EPB41L4B: variants seen among roughly 807,000 people sequenced by gnomAD.
EPB41L4B encodes the protein band 4.1-like protein 4B.
A neutral mutation model predicts 112.5 loss-of-function variants in EPB41L4B; 30 were observed. The ratio of observed to expected loss-of-function variants is 0.27; its 90% CI spans 0.20 to 0.36. The LOEUF (loss-of-function observed/expected upper bound fraction) is 0.36, where lower values mean the gene tolerates loss of function less well. Ranked by LOEUF, EPB41L4B falls within the 10% of genes least tolerant of loss-of-function variation. EPB41L4B has a pLI of 1.00. For synonymous variants in EPB41L4B, 408 were observed against 439.7 expected (o/e 0.93, Z 0.90); for missense variants, 1,024 against 1,133.3 (o/e 0.90, Z 1.38).
intron 20 of EPB41L4B, among the ~76,000 whole-genome samples, chr9:109,198,599 G>A (rs1398430428): frequency 1.3e-5 from 2 of 152,130 alleles, no homozygotes; most frequent in African/African-American, 4.8e-5. Context: ...CCATGCCATA[G>A]CTAAGGTCAA....
intron 23 of EPB41L4B, 47 bp downstream of exon 23, chr9:109,185,442 C>T (rs779078529): frequency 1.3e-6 from 2 of 1,559,814 alleles, no homozygotes; most frequent in Admixed American, 1.7e-5. Context: ...GGCTCCTGCC[C>T]ACCTCACCTC....
At chr9:109,179,469 T>C (rs1206028617) in intron 24 of EPB41L4B, among the ~76,000 whole-genome samples, 1 of 152,178 alleles carries the variant, frequency 6.6e-6, no homozygotes, top group Non-Finnish European at 1.5e-5. Flanking sequence ...TGAGCTTGGC[T>C]TCTGTTACCA....
intron 1 of EPB41L4B, among the ~76,000 whole-genome samples, chr9:109,302,260 A>C (rs140364981): frequency 2.1e-4 from 32 of 152,154 alleles, no homozygotes; most frequent in Middle Eastern, 6.8e-3. Context: ...GTCCTCAATA[A>C]ATGCCTGTCT....
intron 24 of EPB41L4B, among the ~76,000 whole-genome samples, chr9:109,178,387 T>TC (rs1831923825): frequency 6.8e-6 from 1 of 148,082 alleles, no homozygotes; most frequent in African/African-American, 2.5e-5. Flanking sequence ...AGTATCTTCT[T>TC]TTTTTTTTTT....
Position 109,320,566 on chromosome 9 carries a change from C to T in EPB41L4B, c.-120G>A. Reference sequence around the variant, plus strand: ...TCAGTGCCCTCGGCCGCCCGCGCCGCCTCTCGCGGGCTACGGCCCGGGGCA... The same window carrying T: ...TCAGTGCCCTCGGCCGCCCGCGCCGTCTCTCGCGGGCTACGGCCCGGGGCA... On this transcript the variant is annotated 5_prime_UTR_variant, in exon 1 of 26. Transcript: ENST00000374566. 4.3e-6 allele frequency: 2 copies of T among 469,158 alleles called. No homozygotes were observed. Among genetic ancestry groups the T allele is most frequent in the South Asian group, 1.7e-4 (2 of 11,582 alleles). The allele number at this position is 469,158 out of a possible 1,614,324, so 29.1% of individuals were successfully genotyped here.
chr9:109,311,465 G>A (rs1050056581), intron 1 of EPB41L4B, among the ~76,000 whole-genome samples: 1 of 152,158 alleles, frequency 6.6e-6, no homozygotes, highest in African/African-American at 2.4e-5. Flanking sequence ...CCACCCGGGG[G>A]GACTGAGCTG....
intron 24 of EPB41L4B, among the ~76,000 whole-genome samples, chr9:109,177,815 TG>T (rs1203899926): frequency 4.7e-5 from 7 of 150,502 alleles, no homozygotes; most frequent in Non-Finnish European, 1.0e-4. Flanking sequence ...AGCGAGACTC[TG>T]TCTCAAAAAA....
At chr9:109,183,780 G>A (rs976435022) in intron 23 of EPB41L4B, among the ~76,000 whole-genome samples, 3 of 152,220 alleles carry the variant, frequency 2.0e-5, no homozygotes, top group African/African-American at 4.8e-5. Context: ...AGCAGGCTTT[G>A]TGTGTCTCGA....
intron 15 of EPB41L4B, among the ~76,000 whole-genome samples, chr9:109,228,039 T>G (rs540952272): frequency 6.6e-6 from 1 of 152,242 alleles, no homozygotes; most frequent in African/African-American, 2.4e-5. Context: ...CCAGTAGTTA[T>G]TCCTAATTTT....
rs757369504 is a variant in EPB41L4B at position 109,318,583 on chromosome 9, G to A, written c.306+1558C>T. 3.3e-5 allele frequency among the ~76,000 whole-genome samples: 5 copies of A among 151,946 alleles called. No individual in the cohort carries two copies. In the South Asian group the frequency reaches 8.3e-4, roughly 25 times the overall value. On this transcript the variant is annotated intron_variant, in intron 1 of 25. Transcript: ENST00000374566. ...TTCCCAGATCCGAGATGCAAACTAC[G>A]CCACATCCTCTCCTAACACAAGCTG...
In EPB41L4B at chr9:109,245,585, A is replaced by C. The variant is rs539812747; in HGVS notation, c.1345-1903T>G. 2.4e-4 allele frequency among the ~76,000 whole-genome samples: 36 copies of C among 152,300 alleles called. 1 individual carries two copies. The South Asian group carries it at 4.1e-3, about 18-fold the overall frequency. On this transcript the variant is annotated intron_variant, in intron 14 of 25. Coordinates refer to ENST00000374566, the MANE Select transcript of EPB41L4B (RefSeq NM_019114.5). ...TGCAATTCCAGGGACAGTCCCAAAC[A>C]ATGAAGAACTCTCCCTCCCCAAATG...
intron 15 of EPB41L4B, among the ~76,000 whole-genome samples, chr9:109,236,225 C>T (rs772786154): frequency 6.6e-6 from 1 of 152,114 alleles, no homozygotes; most frequent in Non-Finnish European, 1.5e-5. Flanking sequence ...GAAGGGAGGG[C>T]AGAACACACA....
rs540490061 is a variant in EPB41L4B, at chr9:109,223,576, T to C, written c.1410-6431A>G. Among the ~76,000 whole-genome samples, 9 of 152,266 alleles carry C rather than the reference T, an allele frequency of 5.9e-5. No homozygotes were observed. The South Asian group carries it at 1.9e-3, about 32-fold the overall frequency. ...ATGCCCCAAAAAGCCAATCACAGAC[T>C]CTACAGCTCAGCCCAGCTCTGAGTG... On this transcript the variant is annotated intron_variant, in intron 15 of 25. Transcript: ENST00000374566.
chr9:109,293,019 C>T (rs1836590279), intron 1 of EPB41L4B, among the ~76,000 whole-genome samples: 1 of 152,200 alleles, frequency 6.6e-6, no homozygotes, highest in Non-Finnish European at 1.5e-5. Flanking sequence ...TTTGGACACT[C>T]CACACGAGCC....
intron 3 of EPB41L4B, 36 bp from the exon 4 acceptor site, chr9:109,267,587 T>C: frequency 2.1e-6 from 3 of 1,413,898 alleles, no homozygotes; most frequent in Non-Finnish European, 3.0e-6. Context: ...AAGATGTTTT[T>C]CCCCCAGTTT....
intron 25 of EPB41L4B, among the ~76,000 whole-genome samples, chr9:109,175,513 A>ACACACACG (rs1491205014): frequency 6.8e-6 from 1 of 146,316 alleles, no homozygotes; most frequent in African/African-American, 2.7e-5. Context: ...ACACACACAC[A>ACACACACG]GAGTAAATAC....
rs1232043966 is a variant in EPB41L4B, at chr9:109,306,630, AC to A, written c.306+13510del. ...AAAAAACAAACAAACAAACAAACAAACAAACAAAAAAACATTCTGGTGAAGG... is the reference window on the plus strand; with the variant it reads ...AAAAAACAAACAAACAAACAAACAAAAAACAAAAAAACATTCTGGTGAAGG... On this transcript the variant is annotated intron_variant, in intron 1 of 25. Transcript: ENST00000374566. Among the ~76,000 whole-genome samples the A allele has an allele frequency of 7.1e-3, 1,077 of 151,946 alleles. 26 individuals carry two copies. In the East Asian group the frequency reaches 0.091, roughly 13 times the overall value.
rs541903129 is a variant in EPB41L4B, at chr9:109,270,685, G to A, written c.412-2252C>T. Among the ~76,000 whole-genome samples, 7 of 152,284 alleles carry A rather than the reference G, an allele frequency of 4.6e-5. No homozygotes were observed. The East Asian group carries it at 1.3e-3, about 29-fold the overall frequency. ...AGAGGCTTGTCACTTAAAGGAGCTT[G>A]TTCCATTTCTTTCCTTTCTTTAGTC... On this transcript the variant is annotated intron_variant, in intron 2 of 25. Coordinates refer to ENST00000374566, the MANE Select transcript of EPB41L4B (RefSeq NM_019114.5).
At chr9:109,255,487 C>T (rs374866774) in intron 11 of EPB41L4B, 24 bp downstream of exon 11, 82 of 1,609,194 alleles carry the variant, frequency 5.1e-5, no homozygotes, top group African/African-American at 1.3e-4. Context: ...AGACGTGATC[C>T]GTGTTGCAGA....
Sources: allele counts gnomAD v4.1 joint callset (sites outside exome capture counted in the v4.1 genomes callset), GRCh38; gene constraint gnomAD v4.1.1; transcripts MANE v1.5; gene names NCBI Gene and HGNC (gene_info 2026-07-23, HGNC 2026-07-21).